Variants in MGAT4C observed in about 807,000 individuals in gnomAD.
The protein encoded by MGAT4C is alpha-1,3-mannosyl-glycoprotein 4-beta-N-acetylglucosaminyltransferase C.
In MGAT4C, 19 loss-of-function variants were observed where a neutral mutation model predicts 40.1. That is an observed-to-expected ratio of 0.47 (90% confidence interval 0.33 to 0.70). MGAT4C has a LOEUF of 0.70. Ranked by LOEUF, MGAT4C falls within the 30% of genes least tolerant of loss-of-function variation. The pLI is 0.02. For missense variants in MGAT4C, 491 were observed against 563.2 expected (o/e 0.87, Z 1.30); for synonymous variants, 181 against 187.1 (o/e 0.97, Z 0.27).
intron 1 of MGAT4C, among the ~76,000 whole-genome samples, chr12:86,150,293 G>A (rs569798303): frequency 7.9e-5 from 12 of 152,284 alleles, no homozygotes; most frequent in South Asian, 2.1e-4. Flanking sequence ...GTACCAGTCC[G>A]TGGACCAGGG....
chr12:86,253,350 G>GAGAA (rs890097979), intron 1 of MGAT4C, among the ~76,000 whole-genome samples: 13 of 151,862 alleles, frequency 8.6e-5, no homozygotes, highest in African/African-American at 2.6e-4. Flanking sequence ...GAGAGAGAAA[G>GAGAA]AGAAAGAAAG....
At chr12:86,120,578 C>A (rs1441224308) in intron 1 of MGAT4C, among the ~76,000 whole-genome samples, 1 of 152,208 alleles carries the variant, frequency 6.6e-6, no homozygotes, top group Non-Finnish European at 1.5e-5. Flanking sequence ...ATTTGCCGTT[C>A]TGCAATATTT....
At chr12:86,105,432 A>G (rs1875971127) in intron 1 of MGAT4C, among the ~76,000 whole-genome samples, 2 of 152,200 alleles carry the variant, frequency 1.3e-5, no homozygotes, top group South Asian at 4.1e-4. Flanking sequence ...CACAGGCCTC[A>G]TTAGCATGTA....
At chr12:86,433,462 G>T (rs1312050840) in intron 3 of MGAT4C, among the ~76,000 whole-genome samples, 2 of 151,874 alleles carry the variant, frequency 1.3e-5, no homozygotes, top group Non-Finnish European at 2.9e-5. Context: ...GTAGCTTGCT[G>T]CATGTGCCTA....
chr12:86,616,919 C>A (rs1962469927), intron 2 of MGAT4C, among the ~76,000 whole-genome samples: 1 of 151,916 alleles, frequency 6.6e-6, no homozygotes, highest in African/African-American at 2.4e-5. Flanking sequence ...TCCACCTACA[C>A]AAATCTTACT....
chr12:86,057,071 T>A (rs896849003), intron 1 of MGAT4C, among the ~76,000 whole-genome samples: 1 of 152,112 alleles, frequency 6.6e-6, no homozygotes, highest in Non-Finnish European at 1.5e-5. Context: ...TTATATTAAT[T>A]TTATTTAAAA....
At chr12:86,713,423 C>G (rs1950593548) in intron 2 of MGAT4C, among the ~76,000 whole-genome samples, 2 of 152,006 alleles carry the variant, frequency 1.3e-5, no homozygotes, top group African/African-American at 4.8e-5. Flanking sequence ...AATATTCATT[C>G]ATCTTTTTGG....
intron 3 of MGAT4C, among the ~76,000 whole-genome samples, chr12:86,414,086 TA>T (rs1956657779): frequency 6.6e-6 from 1 of 152,076 alleles, no homozygotes; most frequent in Admixed American, 6.6e-5. Context: ...TTTCTGCAAG[TA>T]CATGAAAAGC....
chr12:86,220,093 G>C (rs1481212845), intron 1 of MGAT4C, among the ~76,000 whole-genome samples: 1 of 152,016 alleles, frequency 6.6e-6, no homozygotes, highest in Non-Finnish European at 1.5e-5. Context: ...GAGCCTCAAG[G>C]ATTGGCTTCA....
At chr12:86,642,474 G>A (rs1963419861) in intron 2 of MGAT4C, among the ~76,000 whole-genome samples, 1 of 151,768 alleles carries the variant, frequency 6.6e-6, no homozygotes, top group Non-Finnish European at 1.5e-5. Flanking sequence ...CCTGTGTTAT[G>A]TTATACATGA....
chr12:86,375,278 G>T (rs1955802752), intron 3 of MGAT4C, among the ~76,000 whole-genome samples: 1 of 152,094 alleles, frequency 6.6e-6, no homozygotes, highest in South Asian at 2.1e-4. Context: ...GGAAATAATA[G>T]TAGAGAAAGA....
chr12:86,804,741 T>C (rs1566001412), intron 1 of MGAT4C, among the ~76,000 whole-genome samples: 1 of 152,010 alleles, frequency 6.6e-6, no homozygotes, highest in Non-Finnish European at 1.5e-5. Context: ...TCAAAGAAAT[T>C]TGCACATTTC....
chr12:86,755,992 A>C (rs1417633863), intron 1 of MGAT4C, among the ~76,000 whole-genome samples: 1 of 151,634 alleles, frequency 6.6e-6, no homozygotes, highest in East Asian at 1.9e-4. Context: ...CATAATCATT[A>C]ATATTTTAAA....
Position 86,742,213 on chromosome 12 carries a change from TTAAC to T in MGAT4C, c.-261-14976_-261-14973del, listed in dbSNP as rs148133260. On this transcript the variant is annotated intron_variant, in intron 1 of 7. Coordinates refer to the MGAT4C transcript ENST00000548651. ...GAAAAGCATAGTGAATATTTGCTGA[TTAAC>T]TAAAACCAACTGAGAATAAATATAT... 0.016 allele frequency among the ~76,000 whole-genome samples: 2,494 copies of T among 151,594 alleles called. 135 individuals carry two copies. The East Asian group carries it at 0.18, about 11-fold the overall frequency.
At chr12:85,984,616 C>T (rs866128250) in intron 3 of MGAT4C, among the ~76,000 whole-genome samples, 21 of 152,160 alleles carry the variant, frequency 1.4e-4, no homozygotes, top group Middle Eastern at 3.4e-3. Context: ...CAAGCCTTTA[C>T]TGGTTATACA....
intron 2 of MGAT4C, among the ~76,000 whole-genome samples, chr12:86,019,508 G>A (rs1889437045): frequency 6.6e-6 from 1 of 152,082 alleles, no homozygotes; most frequent in Non-Finnish European, 1.5e-5. Flanking sequence ...TTAAAAATTG[G>A]TTAAGCAATT....
intron 2 of MGAT4C, among the ~76,000 whole-genome samples, chr12:86,656,490 A>G (rs536990881): frequency 1.1e-4 from 17 of 152,080 alleles, no homozygotes; most frequent in Non-Finnish European, 2.2e-4. Context: ...TTTCTGAATC[A>G]ATATTCTTGG....
intron 2 of MGAT4C, among the ~76,000 whole-genome samples, chr12:86,700,998 T>C (rs1321623999): frequency 6.6e-6 from 1 of 151,910 alleles, no homozygotes; most frequent in Non-Finnish European, 1.5e-5. Context: ...TAAGAAAAAA[T>C]ATATTAAAAA....
chr12:86,133,672 T>G (rs1236908863), intron 1 of MGAT4C, among the ~76,000 whole-genome samples: 1 of 152,160 alleles, frequency 6.6e-6, no homozygotes, highest in Non-Finnish European at 1.5e-5. Flanking sequence ...TCAAAATCCT[T>G]ATATGTAAAG....
Sources: gnomAD v4.1 joint callset for allele counts (sites outside exome capture counted in the v4.1 genomes callset) on GRCh38, gnomAD v4.1.1 for gene constraint, MANE v1.5 for transcripts, NCBI Gene and HGNC (gene_info 2026-07-23, HGNC 2026-07-21) for gene names.